RAP1GDS1: variants seen among roughly 807,000 people sequenced by gnomAD.
RAP1GDS1 encodes Rap1 GTPase-GDP dissociation stimulator 1.
In RAP1GDS1, 35 loss-of-function variants were observed where a neutral mutation model predicts 71.1. The ratio of observed to expected loss-of-function variants is 0.49; its 90% CI spans 0.38 to 0.65. The LOEUF is 0.65. Ranked by LOEUF, RAP1GDS1 falls within the 30% of genes least tolerant of loss-of-function variation. The pLI is 0.00. For synonymous variants in RAP1GDS1, 229 were observed against 243.1 expected, an observed-to-expected ratio of 0.94 and a Z score of 0.54; for missense variants, 663 against 706.1, an observed-to-expected ratio of 0.94 and a Z score of 0.69.
At chr4:98,289,750 C>T (rs1726649239) in intron 1 of RAP1GDS1, among the ~76,000 whole-genome samples, 2 of 151,902 alleles carry the variant, frequency 1.3e-5, no homozygotes, top group South Asian at 4.1e-4. Flanking sequence ...ATAAGTAAAA[C>T]ATAATATTCA....
intron 6 of RAP1GDS1, chr4:98,396,514 C>G (rs551998651): frequency 6.6e-6 from 1 of 152,164 alleles, no homozygotes; most frequent in Admixed American, 6.5e-5. Context: ...TAGTCTCCCC[C>G]AGTCTATGTT....
intron 12 of RAP1GDS1, among the ~76,000 whole-genome samples, chr4:98,425,301 G>A (rs1375989350): frequency 6.6e-6 from 1 of 151,814 alleles, no homozygotes; most frequent in Non-Finnish European, 1.5e-5. Context: ...AATCTCACAG[G>A]ACCTACAAAA....
chr4:98,350,440 T>A (rs1736996405), intron 3 of RAP1GDS1, among the ~76,000 whole-genome samples: 1 of 152,142 alleles, frequency 6.6e-6, no homozygotes, highest in African/African-American at 2.4e-5. Flanking sequence ...GGCCTGGTGG[T>A]TCTCACCTAT....
intron 4 of RAP1GDS1, among the ~76,000 whole-genome samples, chr4:98,367,127 G>A (rs1358566821): frequency 2.0e-5 from 3 of 152,166 alleles, no homozygotes; most frequent in East Asian, 1.9e-4. Flanking sequence ...CCTAGGGCCT[G>A]CCTACTCTGT....
At chr4:98,333,111 T>C (rs1451192520) in intron 2 of RAP1GDS1, among the ~76,000 whole-genome samples, 1 of 152,104 alleles carries the variant, frequency 6.6e-6, no homozygotes, top group Non-Finnish European at 1.5e-5. Flanking sequence ...TACAATTTCA[T>C]ACCTGTAATT....
At chr4:98,433,802 A>G (rs1750783406) in intron 12 of RAP1GDS1, 134 bp from the exon 13 acceptor site, 1 of 787,022 alleles carries the variant, frequency 1.3e-6, no homozygotes, top group Non-Finnish European at 1.9e-6. Flanking sequence ...TGTGGAGAAA[A>G]AAACTATGAT....
chr4:98,397,698 C>G (rs570203510), intron 6 of RAP1GDS1, among the ~76,000 whole-genome samples: 1 of 152,218 alleles, frequency 6.6e-6, no homozygotes, highest in Non-Finnish European at 1.5e-5. Context: ...ATCAAGATTT[C>G]TAGACCCTCT....
chr4:98,278,199 A>G (rs1265738161), intron 1 of RAP1GDS1, among the ~76,000 whole-genome samples: 1 of 152,272 alleles, frequency 6.6e-6, no homozygotes, highest in South Asian at 2.1e-4. Context: ...GCTCCATCTC[A>G]AAAAAATAAA....
At chr4:98,318,450 T>G (rs894973247) in intron 2 of RAP1GDS1, among the ~76,000 whole-genome samples, 1 of 152,222 alleles carries the variant, frequency 6.6e-6, no homozygotes, top group African/African-American at 2.4e-5. Flanking sequence ...AACAATATAC[T>G]GTAATAAAAG....
chr4:98,303,627 A>AATAATATAATATAATATAATATAAT (rs3048386), intron 2 of RAP1GDS1, among the ~76,000 whole-genome samples: 66 of 141,322 alleles, frequency 4.7e-4, no homozygotes, highest in African/African-American at 9.8e-4. Flanking sequence ...GTAAATTAAT[A>AATAATATAATATAATATAATATAAT]ATAATATAAT....
intron 14 of RAP1GDS1, chr4:98,441,670 G>A (rs1351519017): frequency 2.2e-6 from 2 of 930,052 alleles, no homozygotes; most frequent in Non-Finnish European, 2.6e-6. Context: ...GGGAGACTGA[G>A]CAGGATGAAT....
At chr4:98,262,467 A>T (rs768396452) in intron 1 of RAP1GDS1, among the ~76,000 whole-genome samples, 3 of 152,202 alleles carry the variant, frequency 2.0e-5, no homozygotes, top group Non-Finnish European at 4.4e-5. Context: ...ATTTGACCTA[A>T]TTTTTTTACA....
chr4:98,291,798 A>G (rs1726973572), intron 1 of RAP1GDS1, among the ~76,000 whole-genome samples: 1 of 152,144 alleles, frequency 6.6e-6, no homozygotes, highest in Non-Finnish European at 1.5e-5. Flanking sequence ...GTTGAGCCAT[A>G]CATGTCCAGT....
chr4:98,312,140 GT>G lies in RAP1GDS1; in HGVS notation c.112+18628del, dbSNP rs1730321865. The stretch of plus-strand genomic sequence containing the variant: ...CTTCTACTATGATACTTGTAGACCT[GT>G]TTAGCTCACTATTCTCAGGGCCAGG... On this transcript the variant is annotated intron_variant, in intron 2 of 14. Transcript: ENST00000408927. Among the ~76,000 whole-genome samples, 11 of 152,218 alleles carry G rather than the reference GT, an allele frequency of 7.2e-5. No homozygotes were observed. The South Asian group carries it at 2.1e-3, about 29-fold the overall frequency.
chr4:98,272,026 A>G (rs1422156265), intron 1 of RAP1GDS1, among the ~76,000 whole-genome samples: 1 of 152,138 alleles, frequency 6.6e-6, no homozygotes, highest in Non-Finnish European at 1.5e-5. Context: ...GAGAATTTGC[A>G]TTGTCAAGAC....
chr4:98,341,176 A>G (rs1055834250), intron 2 of RAP1GDS1, among the ~76,000 whole-genome samples: 4 of 152,326 alleles, frequency 2.6e-5, no homozygotes, highest in South Asian at 2.1e-4. Context: ...AGAAATCTAC[A>G]TGCTAGCAGG....
intron 4 of RAP1GDS1, among the ~76,000 whole-genome samples, chr4:98,360,807 C>T (rs1738624866): frequency 6.6e-6 from 1 of 152,048 alleles, no homozygotes; most frequent in Non-Finnish European, 1.5e-5. Context: ...CATAGTGGCT[C>T]ACGCTTGTAA....
intron 2 of RAP1GDS1, among the ~76,000 whole-genome samples, chr4:98,312,390 C>T (rs1028924524): frequency 2.6e-5 from 4 of 152,144 alleles, no homozygotes; most frequent in Non-Finnish European, 5.9e-5. Flanking sequence ...AGCTGCTGCT[C>T]ATTGGTCCTA....
At chr4:98,409,660 C>A in intron 7 of RAP1GDS1, 1 of 324,652 alleles carries the variant, frequency 3.1e-6, no homozygotes. Flanking sequence ...TACCTGAGTT[C>A]AACTGAAGCA....
Sources: gnomAD v4.1 joint callset for allele counts (sites outside exome capture counted in the v4.1 genomes callset) on GRCh38, gnomAD v4.1.1 for gene constraint, MANE v1.5 for transcripts, NCBI Gene and HGNC (gene_info 2026-07-23, HGNC 2026-07-21) for gene names.